Variants in GOLGA8H observed in about 807,000 individuals in gnomAD.
GOLGA8H encodes the protein golgin subfamily A member 8H.
In GOLGA8H, 47 loss-of-function variants were observed where a neutral mutation model predicts 82.7. The ratio of observed to expected loss-of-function variants is 0.57; its 90% CI spans 0.45 to 0.73. The LOEUF is 0.73. Among genes scored for constraint, GOLGA8H ranks in the 30% least tolerant of loss-of-function variants. The probability of loss-of-function intolerance (pLI) is 0.00; values close to 1 mark genes in which losing one functional copy is unlikely to be tolerated. For synonymous variants in GOLGA8H, 108 were observed against 241.6 expected (o/e 0.45, Z 5.13); for missense variants, 372 against 661.0 (o/e 0.56, Z 4.79).
At position 30,613,149 on chromosome 15, in the gene GOLGA8H, G is replaced by A. The variant is rs374354509; in HGVS notation, c.1322G>A (p.Arg441Gln). ...HLDSEGEEAP[R>Q]PMPSVPEDPE... is the part of the protein sequence containing the mutation. The stretch of plus-strand genomic sequence containing the variant: ...GACAGTGAGGGGGAGGAGGCACCTC[G>A]GCCCATGCCGAGTGTCCCAGAGGAC... Residue 441 changes from arginine (R) to glutamine (Q), a missense_variant, in exon 15 of 19, where the codon CGG becomes CAG. By Grantham distance (43) the Arg-to-Gln change is conservative. Coordinates refer to ENST00000566740, the MANE Select transcript of GOLGA8H (RefSeq NM_001282490.2). The A allele has an allele frequency of 1.6e-3, 1,915 of 1,211,538 alleles. 5 individuals carry two copies. Among genetic ancestry groups the A allele is most frequent in the East Asian group, 0.015 (619 of 41,194 alleles). The allele number at this position is 1,211,538 out of a possible 1,614,324, so 75.0% of individuals were successfully genotyped here.
At chr15:30,608,591 T>A in intron 7 of GOLGA8H, 40 bp downstream of exon 7, 1 of 1,605,598 alleles carries the variant, frequency 6.2e-7, no homozygotes. Flanking sequence ...AACCTGGCAC[T>A]TTGACAGGTC....
In GOLGA8H at chr15:30,610,014, C is replaced by A; in HGVS notation, c.694C>A (p.Gln232Lys). 6.2e-7 allele frequency: 1 copy of A among 1,611,620 alleles called. No individual in the cohort carries two copies. ...VQLTQLKESF[Q>K]QVQLERDECA... ...ATTCTTGCAGTTGAAGGAGTCATTTCAACAAGTCCAATTAGAAAGAGATGA... is the reference window on the plus strand; with the variant it reads ...ATTCTTGCAGTTGAAGGAGTCATTTAAACAAGTCCAATTAGAAAGAGATGA... Residue 232 changes from glutamine to lysine, a missense_variant, in exon 10 of 19, where the codon CAA becomes AAA. Transcript: ENST00000566740.
In GOLGA8H at chr15:30,605,838, A is replaced by C. The variant is rs1429125789; in HGVS notation, c.49-5A>C. ...CATGAGTATTACTGCTCTTCTTTCCAACAGTTAAAAGAATATTGGCAGAAA... is the reference window on the plus strand; with the variant it reads ...CATGAGTATTACTGCTCTTCTTTCCCACAGTTAAAAGAATATTGGCAGAAA... On this transcript the variant is annotated splice_region_variant and splice_polypyrimidine_tract_variant and intron_variant, in intron 1 of 18. Transcript: ENST00000566740. 19 of 1,589,384 alleles carry C rather than the reference A, an allele frequency of 1.2e-5. No individual in the cohort carries two copies. The highest frequency in any genetic ancestry group is 1.4e-5 in the Non-Finnish European group (17 of 1,173,832).
rs2059989855 is a variant in GOLGA8H at position 30,609,895 on chromosome 15, G to C, written c.678+3G>C. The C allele has an allele frequency of 3.8e-6, 6 of 1,578,988 alleles. No homozygotes were observed. The highest frequency in any genetic ancestry group is 5.2e-6 in the Non-Finnish European group (6 of 1,152,308). ...TACTGAAAGTGCAGCTGACACAGGT[G>C]AGGTTTTCTGAGGGAGTTATGTGGA... is the stretch of plus-strand genomic sequence containing the variant. On this transcript the variant is annotated splice_donor_region_variant and intron_variant, in intron 9 of 18. Transcript: ENST00000566740.
chr15:30,608,636 T>C lies in GOLGA8H; in HGVS notation c.482-11T>C, dbSNP rs765672444. ...AGTCCTTTGGGCCCCATCTCAACTT[T>C]CTCATTACAGAAAAGTCCAAGGATC... On this transcript the variant is annotated splice_polypyrimidine_tract_variant and intron_variant, in intron 7 of 18. Transcript: ENST00000566740. 6 of 1,599,992 alleles carry C rather than the reference T, an allele frequency of 3.8e-6. No individual in the cohort carries two copies. The highest frequency in any genetic ancestry group is 5.1e-6 in the Non-Finnish European group (6 of 1,177,758).
At chr15:30,609,681 C>T (rs1036262928) in intron 8 of GOLGA8H, 125 bp from the exon 9 acceptor site, 6 of 1,292,346 alleles carry the variant, frequency 4.6e-6, no homozygotes, top group African/African-American at 3.0e-5. Context: ...AGACCACGGG[C>T]TTGGAAATGC....
rs1160327632 is a variant in GOLGA8H at position 30,613,314 on chromosome 15, G to T, written c.1368+119G>T. 13 of 699,516 alleles carry T rather than the reference G, an allele frequency of 1.9e-5. 2 individuals are homozygous for T. Among genetic ancestry groups the T allele is most frequent in the Non-Finnish European group, 2.7e-5 (12 of 449,352 alleles). The allele number at this position is 699,516 out of a possible 1,614,324, so 43.3% of individuals were successfully genotyped here. Reference sequence around the variant, plus strand: ...CTCTGGACCCTCACCCCTTCCGAGAGCCAGTGGTCAGACTCCATTTCACCT... The same window carrying T: ...CTCTGGACCCTCACCCCTTCCGAGATCCAGTGGTCAGACTCCATTTCACCT... On this transcript the variant is annotated intron_variant, in intron 15 of 18. Transcript: ENST00000566740.
chr15:30,610,127 C>A (rs747738471), intron 10 of GOLGA8H, 21 bp downstream of exon 10: 10 of 1,609,774 alleles, frequency 6.2e-6, no homozygotes, highest in African/African-American at 5.4e-5. Flanking sequence ...ACCCTTCAGC[C>A]CCCCCACATT....
intron 10 of GOLGA8H, 92 bp from the exon 11 acceptor site, chr15:30,610,210 G>A (rs2059996681): frequency 7.0e-7 from 1 of 1,438,492 alleles, no homozygotes; most frequent in East Asian, 2.3e-5. Context: ...ATGGGTCTGG[G>A]CTTTGTGGAG....
Position 30,606,307 on chromosome 15 carries a change from T to C in GOLGA8H, c.168+345T>C, listed in dbSNP as rs2059923116. ...GAGGTGGAGCTTGCCGTAGCCAAGA[T>C]TATGCCACTGCACTCCAGCCTGGTG... On this transcript the variant is annotated intron_variant, in intron 2 of 18. Coordinates refer to ENST00000566740, the MANE Select transcript of GOLGA8H (RefSeq NM_001282490.2). 2.6e-5 allele frequency among the ~76,000 whole-genome samples: 4 copies of C among 151,118 alleles called. No homozygotes were observed. The South Asian group carries it at 8.3e-4, about 32-fold the overall frequency.
rs1795559947 is a variant in GOLGA8H, at chr15:30,616,799, C to T, written c.*2238C>T. On this transcript the variant is annotated 3_prime_UTR_variant, in exon 19 of 19. Transcript: ENST00000566740. Reference sequence around the variant, plus strand: ...ACATTGATAAATTATTGCAAAGGTACTTTTATCGTTGAAATCACTTCACTT... The same window carrying T: ...ACATTGATAAATTATTGCAAAGGTATTTTTATCGTTGAAATCACTTCACTT... 6.7e-6 allele frequency among the ~76,000 whole-genome samples: 1 copy of T among 149,932 alleles called. No individual in the cohort carries two copies. The highest frequency in any genetic ancestry group is 2.1e-4 in the South Asian group (1 of 4,748).
chr15:30,607,954 C>T, intron 4 of GOLGA8H, 76 bp from the exon 5 acceptor site: 1 of 1,595,794 alleles, frequency 6.3e-7, no homozygotes, highest in Non-Finnish European at 8.5e-7. Context: ...TTCCTGGCCC[C>T]TGCCTACCAC....
rs751970285 is a variant in GOLGA8H at position 30,608,632 on chromosome 15, A to C, written c.482-15A>C. The C allele has an allele frequency of 1.6e-5, 25 of 1,600,704 alleles. No individual in the cohort carries two copies. Among genetic ancestry groups the C allele is most frequent in the Non-Finnish European group, 2.0e-5 (23 of 1,177,926 alleles). On this transcript the variant is annotated splice_polypyrimidine_tract_variant and intron_variant, in intron 7 of 18. Coordinates refer to ENST00000566740, the MANE Select transcript of GOLGA8H (RefSeq NM_001282490.2). Reference sequence around the variant, plus strand: ...GGGGAGTCCTTTGGGCCCCATCTCAACTTTCTCATTACAGAAAAGTCCAAG... The same window carrying C: ...GGGGAGTCCTTTGGGCCCCATCTCACCTTTCTCATTACAGAAAAGTCCAAG...
rs2060101275 is a variant in GOLGA8H at position 30,616,025 on chromosome 15, C to G, written c.*1464C>G. ...CTATACAATCACAGAGCTATATTTT[C>G]TCACAGACTTCTTTACAAAGTGAAA... On this transcript the variant is annotated 3_prime_UTR_variant, in exon 19 of 19. Coordinates refer to ENST00000566740, the MANE Select transcript of GOLGA8H (RefSeq NM_001282490.2). Among the ~76,000 whole-genome samples the G allele has an allele frequency of 6.6e-6, 1 of 151,850 alleles. No individual in the cohort carries two copies. The highest frequency in any genetic ancestry group is 2.4e-5 in the African/African-American group (1 of 41,330).
chr15:30,613,825 A>C lies in GOLGA8H; in HGVS notation c.1424A>C (p.Lys475Thr). 1.2e-6 allele frequency: 2 copies of C among 1,601,740 alleles called. No individual in the cohort carries two copies. Residue 475 changes from lysine (K) to threonine (T), a missense_variant, in exon 16 of 19, where the codon AAA (lysine) becomes ACA (threonine). Coordinates refer to ENST00000566740, the MANE Select transcript of GOLGA8H (RefSeq NM_001282490.2). ...GCAGACCTGAGTGAGCTGGTGAAGA[A>C]AAAAGAACTCTGCTTCATCCACCAC... is the stretch of plus-strand genomic sequence containing the variant. ...EKADLSELVK[K>T]KELCFIHHWR...
rs1240247843 is a variant in GOLGA8H, at chr15:30,616,791, C to T, written c.*2230C>T. ...TATCTAATACATTGATAAATTATTG[C>T]AAAGGTACTTTTATCGTTGAAATCA... is the stretch of plus-strand genomic sequence containing the variant. On this transcript the variant is annotated 3_prime_UTR_variant, in exon 19 of 19. Coordinates refer to ENST00000566740, the MANE Select transcript of GOLGA8H (RefSeq NM_001282490.2). Among the ~76,000 whole-genome samples the T allele has an allele frequency of 4.7e-5, 7 of 149,558 alleles. No individual in the cohort carries two copies. Among genetic ancestry groups the T allele is most frequent in the African/African-American group, 1.7e-4 (7 of 40,338 alleles).
chr15:30,607,623 C>G (rs1010297792), intron 4 of GOLGA8H: 1 of 406,716 alleles, frequency 2.5e-6, no homozygotes, highest in African/African-American at 2.1e-5. Context: ...ACGGAAACCT[C>G]AGGGCTAAGG....
In GOLGA8H at chr15:30,615,127, G is replaced by A. The variant is rs1258464627; in HGVS notation, c.*566G>A. 1.3e-5 allele frequency among the ~76,000 whole-genome samples: 2 copies of A among 151,882 alleles called. No individual in the cohort carries two copies. The highest frequency in any genetic ancestry group is 2.4e-5 in the African/African-American group (1 of 41,334). On this transcript the variant is annotated 3_prime_UTR_variant, in exon 19 of 19. Transcript: ENST00000566740. Reference sequence around the variant, plus strand: ...GTTTAAAGGCCAAGAACTGGAAACAGCCTTTCCTCCATTTTCTGTGTATTG... The same window carrying A: ...GTTTAAAGGCCAAGAACTGGAAACAACCTTTCCTCCATTTTCTGTGTATTG...
chr15:30,606,601 T>C (rs2059927729), intron 2 of GOLGA8H, among the ~76,000 whole-genome samples: 2 of 151,724 alleles, frequency 1.3e-5, no homozygotes, highest in Admixed American at 6.6e-5. Flanking sequence ...TTGATTTTCC[T>C]CATCCCCAGT....
Sources: allele counts gnomAD v4.1 joint callset (sites outside exome capture counted in the v4.1 genomes callset), GRCh38; gene constraint gnomAD v4.1.1; transcripts MANE v1.5; gene names NCBI Gene and HGNC (gene_info 2026-07-23, HGNC 2026-07-21).